RAPGEF2: variants seen among roughly 807,000 people sequenced by gnomAD.
RAPGEF2 encodes Rap guanine nucleotide exchange factor 2, also known as PDZ domain containing guanine nucleotide exchange factor (GEF) 1.
Under a neutral mutation model 186.7 loss-of-function variants are expected in RAPGEF2, and 54 were observed. That is an observed-to-expected ratio of 0.29 (90% CI 0.23 to 0.36). The LOEUF is 0.36. Ranked by LOEUF, RAPGEF2 falls within the 10% of genes least tolerant of loss-of-function variation. The pLI is 1.00. For synonymous variants in RAPGEF2, 712 were observed against 705.9 expected (o/e 1.01, Z -0.14); for missense variants, 1,532 against 2,045.0 (o/e 0.75, Z 4.84).
chr4:159,349,764 GT>G (rs1336983004), intron 25 of RAPGEF2, among the ~76,000 whole-genome samples: 5 of 152,168 alleles, frequency 3.3e-5, no homozygotes, highest in African/African-American at 1.2e-4. Flanking sequence ...TAATAAACAT[GT>G]CTAGCTGTGC....
chr4:159,252,521 G>T (rs1024597318), intron 7 of RAPGEF2, among the ~76,000 whole-genome samples: 2 of 152,208 alleles, frequency 1.3e-5, no homozygotes, highest in African/African-American at 4.8e-5. Context: ...TGATATTCTT[G>T]ATGTCATTTA....
chr4:159,312,366 T>C (rs1041748997), intron 8 of RAPGEF2, among the ~76,000 whole-genome samples: 1 of 152,164 alleles, frequency 6.6e-6, no homozygotes, highest in Non-Finnish European at 1.5e-5. Flanking sequence ...AATGTGATCA[T>C]AGCAAGCATT....
At chr4:159,347,682 G>A (rs1368567582) in intron 25 of RAPGEF2, among the ~76,000 whole-genome samples, 2 of 152,168 alleles carry the variant, frequency 1.3e-5, no homozygotes, top group Admixed American at 6.5e-5. Flanking sequence ...TACTCGGGAG[G>A]CCGAGGCAGG....
At position 159,192,218 on chromosome 4, in the gene RAPGEF2, A is replaced by C. The variant is rs187253166; in HGVS notation, c.141-982A>C. On this transcript the variant is annotated intron_variant, in intron 2 of 29. Coordinates refer to ENST00000691494, the MANE Select transcript of RAPGEF2 (RefSeq NM_001394067.2). ...TTCAAGACTCACTGCTGCCTCCTGG[A>C]GTTAAGTGAGAATCAGCTGCAATGT... Among the ~76,000 whole-genome samples, 351 of 152,314 alleles carry C rather than the reference A, an allele frequency of 2.3e-3. 3 individuals carry two copies. Among genetic ancestry groups the C allele is most frequent in the African/African-American group, 7.0e-3 (289 of 41,564 alleles).
intron 7 of RAPGEF2, among the ~76,000 whole-genome samples, chr4:159,279,932 G>A (rs1293925520): frequency 3.9e-5 from 6 of 151,966 alleles, no homozygotes; most frequent in Non-Finnish European, 4.4e-5. Context: ...TAATCTGCCC[G>A]CCTCGGCCTC....
intron 7 of RAPGEF2, among the ~76,000 whole-genome samples, chr4:159,255,154 AACATTATCT>A (rs1460161181): frequency 6.6e-6 from 1 of 152,172 alleles, no homozygotes; most frequent in African/African-American, 2.4e-5. Context: ...TGTAGTAGGC[AACATTATCT>A]AGGTTTGTGC....
chr4:159,311,783 T>TC (rs1314626313), intron 8 of RAPGEF2, among the ~76,000 whole-genome samples: 1 of 152,220 alleles, frequency 6.6e-6, no homozygotes, highest in Non-Finnish European at 1.5e-5. Context: ...AAACATCTTG[T>TC]CCACAAGGCA....
intron 22 of RAPGEF2, 63 bp downstream of exon 22, chr4:159,343,467 A>C: frequency 6.4e-7 from 1 of 1,572,698 alleles, no homozygotes; most frequent in Non-Finnish European, 8.6e-7. Flanking sequence ...GAGCTTCCCA[A>C]TAAATGATTT....
Position 159,318,432 on chromosome 4 carries a change from G to A in RAPGEF2, c.853+3664G>A, listed in dbSNP as rs565507625. ...CAACGTCCTCTTCCCCTGCAAAAAA[G>A]GGACAGATTATGTCCACGTGCATGC... On this transcript the variant is annotated intron_variant, in intron 9 of 29. Transcript: ENST00000691494. 3.9e-5 allele frequency among the ~76,000 whole-genome samples: 6 copies of A among 152,274 alleles called. No individual in the cohort carries two copies. In the South Asian group the frequency reaches 1.2e-3, roughly 32 times the overall value.
At chr4:159,324,405 C>G (rs986285834) in intron 11 of RAPGEF2, among the ~76,000 whole-genome samples, 1 of 152,088 alleles carries the variant, frequency 6.6e-6, no homozygotes, top group Non-Finnish European at 1.5e-5. Flanking sequence ...TTCCATTTTA[C>G]TTGAACTGCA....
chr4:159,184,775 T>C (rs1747389761), intron 1 of RAPGEF2, among the ~76,000 whole-genome samples: 1 of 152,230 alleles, frequency 6.6e-6, no homozygotes, highest in South Asian at 2.1e-4. Context: ...TTCTGGCTTT[T>C]GTTGCCATTG....
At chr4:159,147,407 G>A (rs1043613040) in intron 1 of RAPGEF2, among the ~76,000 whole-genome samples, 4 of 151,022 alleles carry the variant, frequency 2.6e-5, no homozygotes, top group Non-Finnish European at 4.4e-5. Flanking sequence ...GGAAAAGTTC[G>A]TAGAAAAAAG....
At chr4:159,328,730 T>C (rs1355159468) in intron 11 of RAPGEF2, 1 of 152,236 alleles carries the variant, frequency 6.6e-6, no homozygotes, top group Non-Finnish European at 1.5e-5. Flanking sequence ...TCAGGCTGTT[T>C]ACTCATCTGT....
At position 159,294,634 on chromosome 4, in the gene RAPGEF2, TCTTCCTTCCTTCCTTCCTTCCTTC is replaced by T. The variant is rs1207452261; in HGVS notation, c.544-9675_544-9652del. 3.4e-3 allele frequency among the ~76,000 whole-genome samples: 450 copies of T among 133,104 alleles called. 4 individuals carry two copies. The highest frequency in any genetic ancestry group is 0.012 in the African/African-American group (421 of 36,292). 87.3% of individuals were successfully genotyped at this position (133,104 alleles called of 152,430 possible). On this transcript the variant is annotated intron_variant, in intron 7 of 29. Coordinates refer to ENST00000691494, the MANE Select transcript of RAPGEF2 (RefSeq NM_001394067.2). ...CACTTGAGCTCTTTGAGCTTCCATT[TCTTCCTTCCTTCCTTCCTTCCTTC>T]CTTCCTTCCTTCCTTCCTTCCTTCC...
At chr4:159,273,639 T>C (rs1290224537) in intron 7 of RAPGEF2, among the ~76,000 whole-genome samples, 3 of 71,322 alleles carry the variant, frequency 4.2e-5, no homozygotes, top group East Asian at 7.5e-4. Flanking sequence ...TCTTTCTTTC[T>C]TTCTTTCTTT....
At chr4:159,209,191 C>CAA (rs146288884) in intron 3 of RAPGEF2, among the ~76,000 whole-genome samples, 21 of 103,704 alleles carry the variant, frequency 2.0e-4, no homozygotes, top group African/African-American at 3.0e-4. Flanking sequence ...CATGCCCAGC[C>CAA]AAAAAAAAAA....
intron 1 of RAPGEF2, among the ~76,000 whole-genome samples, 178 bp from the exon 2 acceptor site, chr4:159,186,464 A>G (rs1747567264): frequency 6.6e-6 from 1 of 152,086 alleles, no homozygotes; most frequent in Non-Finnish European, 1.5e-5. Context: ...AGCAGTTGTA[A>G]TGGATGACAT....
intron 19 of RAPGEF2, among the ~76,000 whole-genome samples, chr4:159,340,667 CCACA>C (rs3071283): frequency 0.013 from 1,018 of 76,836 alleles, 40 homozygotes; most frequent in Middle Eastern, 0.038. Flanking sequence ...ACCACCATCA[CCACA>C]CACACACACA....
At chr4:159,322,563 T>A in intron 10 of RAPGEF2, 80 bp downstream of exon 10, 1 of 1,259,850 alleles carries the variant, frequency 7.9e-7, no homozygotes, top group Non-Finnish European at 1.1e-6. Context: ...CCCCAATTCT[T>A]ACTTTTTCCT....
Sources: allele counts gnomAD v4.1 joint callset (sites outside exome capture counted in the v4.1 genomes callset), GRCh38; gene constraint gnomAD v4.1.1; transcripts MANE v1.5; gene names NCBI Gene and HGNC (gene_info 2026-07-23, HGNC 2026-07-21).